PPP2R3A: variants seen among roughly 807,000 people sequenced by gnomAD.
The protein encoded by PPP2R3A is serine/threonine-protein phosphatase 2A regulatory subunit B'' subunit alpha.
PPP2R3A carries 80 observed loss-of-function variants against 106.9 expected under a neutral mutation model. The observed-to-expected ratio is 0.75, with a 90% CI of 0.62 to 0.90. PPP2R3A has a LOEUF of 0.90. PPP2R3A is among the 40% of genes least tolerant of loss of function. The pLI is 0.00. For missense variants in PPP2R3A, 1,386 were observed against 1,350.4 expected, an observed-to-expected ratio of 1.03 and a Z score of -0.41; for synonymous variants, 483 against 468.3, an observed-to-expected ratio of 1.03 and a Z score of -0.41.
intron 1 of PPP2R3A, among the ~76,000 whole-genome samples, chr3:135,973,949 C>A (rs1201471281): frequency 2.6e-5 from 4 of 152,132 alleles, no homozygotes; most frequent in Non-Finnish European, 5.9e-5. Context: ...CTCTTGAGTC[C>A]ACATTAATCA....
intron 3 of PPP2R3A, among the ~76,000 whole-genome samples, chr3:136,028,737 G>A (rs1372518926): frequency 6.6e-6 from 1 of 152,246 alleles, no homozygotes; most frequent in Non-Finnish European, 1.5e-5. Flanking sequence ...AACTATGGCT[G>A]TAAATCCAAA....
chr3:136,048,636 C>A (rs533063551), intron 4 of PPP2R3A, among the ~76,000 whole-genome samples: 57 of 150,458 alleles, frequency 3.8e-4, no homozygotes, highest in Admixed American at 1.9e-3. Context: ...TGTGCCACTG[C>A]ACTCCAGCCT....
At chr3:136,099,613 CCT>C (rs909275119) in intron 10 of PPP2R3A, among the ~76,000 whole-genome samples, 1 of 151,502 alleles carries the variant, frequency 6.6e-6, no homozygotes, top group African/African-American at 2.4e-5. Flanking sequence ...AAAGAAACCC[CCT>C]CCCCCAAAAA....
Position 136,001,602 on chromosome 3 carries a change from G to GC in PPP2R3A, c.106dup (p.His36ProfsTer8). ...GCTATACATTATTGCACTGGAACCT[G>GC]CCACACCTTCACACATGGAATTGAC... On this transcript the variant is annotated frameshift_variant, in exon 2 of 14. Coordinates refer to ENST00000264977, the MANE Select transcript of PPP2R3A (RefSeq NM_002718.5). LOFTEE classifies it high-confidence loss of function. The GC allele has an allele frequency of 1.2e-6, 2 of 1,614,176 alleles. No individual in the cohort carries two copies. The highest frequency in any genetic ancestry group is 8.5e-7 in the Non-Finnish European group (1 of 1,180,018).
intron 13 of PPP2R3A, among the ~76,000 whole-genome samples, chr3:136,130,491 T>C (rs901034590): frequency 6.6e-6 from 1 of 152,292 alleles, no homozygotes; most frequent in African/African-American, 2.4e-5. Context: ...TACAAATCAC[T>C]GCTCAATGAA....
At chr3:136,105,443 TAGTG>T (rs1391858915) in intron 12 of PPP2R3A, among the ~76,000 whole-genome samples, 1 of 152,084 alleles carries the variant, frequency 6.6e-6, no homozygotes, top group Non-Finnish European at 1.5e-5. Flanking sequence ...CTGGGCAACA[TAGTG>T]AGCCCCTGTG....
intron 13 of PPP2R3A, among the ~76,000 whole-genome samples, chr3:136,116,435 GAC>G (rs1173604769): frequency 6.6e-6 from 1 of 152,152 alleles, no homozygotes; most frequent in Non-Finnish European, 1.5e-5. Context: ...CCAGTTAAAA[GAC>G]ACAGACTGGC....
chr3:136,075,064 G>A (rs1236731026), intron 6 of PPP2R3A, among the ~76,000 whole-genome samples: 1 of 152,088 alleles, frequency 6.6e-6, no homozygotes, highest in Non-Finnish European at 1.5e-5. Context: ...TAACTTCTAT[G>A]TCTGTATTTA....
chr3:136,103,270 T>G lies in PPP2R3A; in HGVS notation c.3116T>G (p.Leu1039Arg), dbSNP rs780309206. The G allele has an allele frequency of 5.0e-6, 8 of 1,598,446 alleles. No individual in the cohort carries two copies. In the East Asian group the frequency reaches 1.8e-4, roughly 36 times the overall value. Reference sequence around the variant, plus strand: ...TATTTTTATGTAGGCAAAATAACTCTAAGAGATCTGAAGAGGTGCAGAATG... The same window carrying G: ...TATTTTTATGTAGGCAAAATAACTCGAAGAGATCTGAAGAGGTGCAGAATG... ...VKPAVDGKITLRDLKRCRMAH... is the reference protein window; with the variant it reads ...VKPAVDGKITRRDLKRCRMAH... Residue 1039 changes from leucine to arginine, a missense_variant, in exon 12 of 14, where the codon CTA becomes CGA. Physicochemically the swap from Leu to Arg is moderately radical, Grantham distance 102 (BLOSUM62 -2). Coordinates refer to ENST00000264977, the MANE Select transcript of PPP2R3A (RefSeq NM_002718.5).
At chr3:135,965,882 A>G (rs965975611) in intron 1 of PPP2R3A, 33 bp downstream of exon 1, 3 of 148,564 alleles carry the variant, frequency 2.0e-5, no homozygotes, top group Non-Finnish European at 3.0e-5. Context: ...CACGGCCTGG[A>G]GCCTTCAGCT....
At chr3:136,000,000 A>G (rs940119962) in intron 1 of PPP2R3A, among the ~76,000 whole-genome samples, 1 of 152,004 alleles carries the variant, frequency 6.6e-6, no homozygotes, top group African/African-American at 2.4e-5. Context: ...TGAATCACGC[A>G]TGCTCCACTC....
intron 1 of PPP2R3A, among the ~76,000 whole-genome samples, chr3:135,994,036 G>A (rs917970632): frequency 2.8e-4 from 42 of 152,094 alleles, no homozygotes; most frequent in Non-Finnish European, 5.1e-4. Flanking sequence ...AAATCTCACT[G>A]GATTACAAAC....
At chr3:136,007,458 G>A (rs1438235985) in intron 2 of PPP2R3A, among the ~76,000 whole-genome samples, 2 of 152,046 alleles carry the variant, frequency 1.3e-5, no homozygotes, top group South Asian at 2.1e-4. Flanking sequence ...CAAGACTCAA[G>A]TATCTTACCT....
chr3:136,082,229 CATA>C (rs750195133), intron 7 of PPP2R3A, 33 bp from the exon 8 acceptor site: 6 of 1,526,844 alleles, frequency 3.9e-6, no homozygotes, highest in South Asian at 1.1e-5. Context: ...GCTGCTTTTT[CATA>C]ATGTTTAAAT....
intron 13 of PPP2R3A, among the ~76,000 whole-genome samples, chr3:136,139,383 T>TAACA (rs1478047439): frequency 4.9e-4 from 75 of 152,246 alleles, no homozygotes; most frequent in Non-Finnish European, 3.2e-4. Context: ...CCCCTCATGC[T>TAACA]AACAAAACTA....
chr3:136,063,809 A>C (rs372242979), intron 5 of PPP2R3A, among the ~76,000 whole-genome samples: 2 of 150,088 alleles, frequency 1.3e-5, no homozygotes, highest in East Asian at 3.9e-4. Context: ...ACACTTTTAC[A>C]CTGTTGGTGG....
chr3:136,015,182 A>C (rs1934228339), intron 2 of PPP2R3A, among the ~76,000 whole-genome samples: 1 of 152,094 alleles, frequency 6.6e-6, no homozygotes, highest in Non-Finnish European at 1.5e-5. Context: ...AACCCACTTG[A>C]TCATGGTGGA....
chr3:135,999,057 C>T (rs1460338562), intron 1 of PPP2R3A, among the ~76,000 whole-genome samples: 2 of 152,050 alleles, frequency 1.3e-5, no homozygotes, highest in Non-Finnish European at 2.9e-5. Flanking sequence ...CTGTCACTGC[C>T]CTCATTAAAC....
At chr3:136,011,147 T>C (rs955101296) in intron 2 of PPP2R3A, among the ~76,000 whole-genome samples, 2 of 152,110 alleles carry the variant, frequency 1.3e-5, no homozygotes, top group African/African-American at 4.8e-5. Context: ...AAAATATCAC[T>C]TCACTGAGGC....
Sources: allele counts gnomAD v4.1 joint callset (sites outside exome capture counted in the v4.1 genomes callset), GRCh38; gene constraint gnomAD v4.1.1; transcripts MANE v1.5; gene names NCBI Gene and HGNC (gene_info 2026-07-23, HGNC 2026-07-21).